The following RSPO3 variants were observed in gnomAD, a reference collection of about 807,000 sequenced individuals.
RSPO3 encodes R-spondin 3.
RSPO3 carries 17 observed loss-of-function variants against 36.5 expected under a neutral mutation model. That is an observed-to-expected ratio of 0.47 (90% CI 0.32 to 0.70). The LOEUF is 0.70. Among genes scored for constraint, RSPO3 ranks in the 30% least tolerant of loss-of-function variants. The pLI is 0.04. For synonymous variants in RSPO3, 108 were observed against 107.0 expected, an observed-to-expected ratio of 1.01 and a Z score of -0.06; for missense variants, 294 against 322.5, an observed-to-expected ratio of 0.91 and a Z score of 0.68.
chr6:127,155,220 G>A, intron 3 of RSPO3, 21 bp from the exon 4 acceptor site: 1 of 1,612,530 alleles, frequency 6.2e-7, no homozygotes. Context: ...AGCTGAGTCT[G>A]TTTCTTCTGT....
At chr6:127,184,829 C>T (rs1016660199) in intron 4 of RSPO3, among the ~76,000 whole-genome samples, 9 of 151,880 alleles carry the variant, frequency 5.9e-5, no homozygotes, top group African/African-American at 2.2e-4. Context: ...GGAAAACCGG[C>T]TGTCTTGGAA....
intron 2 of RSPO3, 63 bp downstream of exon 2, chr6:127,148,902 G>T (rs752504677): frequency 1.6e-6 from 2 of 1,222,246 alleles, no homozygotes; most frequent in South Asian, 1.4e-5. Context: ...GATTGAAATG[G>T]CCTCTAATAT....
intron 1 of RSPO3, among the ~76,000 whole-genome samples, chr6:127,127,901 T>C (rs1773970058): frequency 6.6e-6 from 1 of 152,086 alleles, no homozygotes; most frequent in African/African-American, 2.4e-5. Context: ...AGTACCCTCC[T>C]CTACATCGCT....
intron 4 of RSPO3, among the ~76,000 whole-genome samples, chr6:127,169,174 G>T (rs1247780306): frequency 2.0e-5 from 3 of 151,008 alleles, no homozygotes; most frequent in African/African-American, 7.3e-5. Flanking sequence ...ATGTAGAAGT[G>T]TTTCTTTTTC....
chr6:127,138,915 T>G (rs976210083), intron 1 of RSPO3, among the ~76,000 whole-genome samples: 1 of 152,130 alleles, frequency 6.6e-6, no homozygotes, highest in Non-Finnish European at 1.5e-5. Flanking sequence ...TCTAAATGAG[T>G]GCAGATCCAG....
chr6:127,197,659 C>T lies in RSPO3; in HGVS notation c.*1652C>T. 1 of 1,119,920 alleles carries T rather than the reference C, an allele frequency of 8.9e-7. No individual in the cohort carries two copies. Among genetic ancestry groups the T allele is most frequent in the Non-Finnish European group, 1.2e-6 (1 of 810,878 alleles). 69.4% of individuals were successfully genotyped at this position (1,119,920 alleles called of 1,614,324 possible). A position where few individuals can be genotyped will look rare whatever the true frequency, so the allele number is the denominator to read the frequency against. Reference sequence around the variant, plus strand: ...GACTCTGGCTTCTGGCTGCTTATCTCTGGACACCCGTTCTCCACCAGTTGT... The same window carrying T: ...GACTCTGGCTTCTGGCTGCTTATCTTTGGACACCCGTTCTCCACCAGTTGT... On this transcript the variant is annotated 3_prime_UTR_variant, in exon 5 of 5. Coordinates refer to ENST00000356698, the MANE Select transcript of RSPO3 (RefSeq NM_032784.5).
chr6:127,119,370 C>T (rs1372572462), intron 1 of RSPO3, 81 bp downstream of exon 1: 1 of 1,009,182 alleles, frequency 9.9e-7, no homozygotes, highest in African/African-American at 1.6e-5. Context: ...GGAGCCGGCT[C>T]CCAACTGCAG....
In RSPO3 at chr6:127,148,669, G is replaced by T. The variant is rs1399292589; in HGVS notation, c.119G>T (p.Gly40Val). The change falls in exon 2 of 5, where the codon GGC (glycine) becomes GTC (valine). Residue 40 changes from glycine (G) to valine (V), a missense_variant. Around this residue, in one of 3 missense-constraint regions of RSPO3, gnomAD observed 61 missense variants for 51.3 expected, o/e 1.19. Coordinates refer to ENST00000356698, the MANE Select transcript of RSPO3 (RefSeq NM_032784.5). ...ACAGTGCATCCTAACGTTAGTCAAG[G>T]CTGCCAAGGAGGCTGTGCAACATGC... ...QRRMHPNVSQ[G>V]CQGGCATCSD... 6.2e-6 allele frequency: 10 copies of T among 1,612,158 alleles called. No homozygotes were observed. The highest frequency in any genetic ancestry group is 8.5e-6 in the Non-Finnish European group (10 of 1,178,852).
chr6:127,134,812 T>C (rs1774121626), intron 1 of RSPO3, among the ~76,000 whole-genome samples: 1 of 152,104 alleles, frequency 6.6e-6, no homozygotes, highest in African/African-American at 2.4e-5. Flanking sequence ...AATAAAGAAA[T>C]TGAGGCTGAA....
chr6:127,138,861 G>T (rs1034816611), intron 1 of RSPO3, among the ~76,000 whole-genome samples: 1 of 152,070 alleles, frequency 6.6e-6, no homozygotes, highest in African/African-American at 2.4e-5. Flanking sequence ...ATAAATATTG[G>T]TAACTCAGCT....
intron 4 of RSPO3, 54 bp from the exon 5 acceptor site, chr6:127,195,768 TA>T (rs1283564189): frequency 3.2e-6 from 4 of 1,238,924 alleles, no homozygotes; most frequent in Admixed American, 2.9e-5. Flanking sequence ...AAAATGTAAT[TA>T]AAAAATAGAA....
chr6:127,128,842 A>G (rs1582785051), intron 1 of RSPO3, among the ~76,000 whole-genome samples: 1 of 152,238 alleles, frequency 6.6e-6, no homozygotes, highest in African/African-American at 2.4e-5. Flanking sequence ...GCTTCATAGA[A>G]TAAGAACACA....
chr6:127,182,176 T>C (rs1034900880), intron 4 of RSPO3, among the ~76,000 whole-genome samples: 1 of 151,794 alleles, frequency 6.6e-6, no homozygotes, highest in African/African-American at 2.4e-5. Flanking sequence ...ACTCACTCAT[T>C]ACCATGAGAA....
chr6:127,177,099 AAG>A (rs1370858048), intron 4 of RSPO3, among the ~76,000 whole-genome samples: 1 of 151,852 alleles, frequency 6.6e-6, no homozygotes, highest in African/African-American at 2.4e-5. Context: ...TGGCCCATGA[AAG>A]AGACTGCTAA....
At chr6:127,127,925 C>T (rs1306123699) in intron 1 of RSPO3, among the ~76,000 whole-genome samples, 1 of 151,868 alleles carries the variant, frequency 6.6e-6, no homozygotes, top group Non-Finnish European at 1.5e-5. Context: ...TTTTCCTTAC[C>T]CTTTGTCCTC....
In RSPO3 at chr6:127,144,643, G is replaced by GT. The variant is rs56388820; in HGVS notation, c.98-3992dup. On this transcript the variant is annotated intron_variant, in intron 1 of 4. Transcript: ENST00000356698. ...TGTAATTTTTCAGTAGCTTCCCCTT[G>GT]TTTTTTTTTTTTTCAGACAGAGTCT... is the stretch of plus-strand genomic sequence containing the variant. Among the ~76,000 whole-genome samples, 194 of 99,050 alleles carry GT rather than the reference G, an allele frequency of 2.0e-3. 12 individuals carry two copies. Among genetic ancestry groups the GT allele is most frequent in the Middle Eastern group, 5.8e-3 (1 of 172 alleles). The allele number at this position is 99,050 out of a possible 152,430, so 65.0% of individuals were successfully genotyped here. A position where few individuals can be genotyped will look rare whatever the true frequency, so the allele number is the denominator to read the frequency against.
intron 1 of RSPO3, among the ~76,000 whole-genome samples, chr6:127,144,643 G>GTTTTTTTGTTTTT (rs763226451): frequency 1.0e-5 from 1 of 99,124 alleles, no homozygotes; most frequent in Non-Finnish European, 2.0e-5. Flanking sequence ...GCTTCCCCTT[G>GTTTTTTTGTTTTT]TTTTTTTTTT....
chr6:127,174,582 TA>T, intron 4 of RSPO3, among the ~76,000 whole-genome samples: 1 of 151,976 alleles, frequency 6.6e-6, no homozygotes, highest in Non-Finnish European at 1.5e-5. Context: ...ATGAGGACTA[TA>T]ATTTTTCAAG....
chr6:127,142,086 G>C (rs1774283629), intron 1 of RSPO3, among the ~76,000 whole-genome samples: 1 of 152,064 alleles, frequency 6.6e-6, no homozygotes, highest in Non-Finnish European at 1.5e-5. Flanking sequence ...TAAACATGTG[G>C]TTCTTTCAAT....
Sources: gnomAD v4.1 joint callset for allele counts (sites outside exome capture counted in the v4.1 genomes callset) on GRCh38, gnomAD v4.1.1 for gene constraint, gnomAD v4.1.1 regional missense constraint, MANE v1.5 for transcripts, NCBI Gene and HGNC (gene_info 2026-07-23, HGNC 2026-07-21) for gene names.